Variants in PTPRN2 observed in about 807,000 individuals in gnomAD.
PTPRN2 encodes the protein receptor-type tyrosine-protein phosphatase N2.
Under a neutral mutation model 118.8 loss-of-function variants are expected in PTPRN2, and 74 were observed. The observed-to-expected ratio is 0.62, with a 90% confidence interval of 0.52 to 0.76. The LOEUF is 0.76. Ranked by LOEUF, PTPRN2 falls within the 30% of genes least tolerant of loss-of-function variation. The pLI, the probability that PTPRN2 is intolerant of heterozygous loss-of-function variation, is 0.00. For missense variants in PTPRN2, 1,481 were observed against 1,394.4 expected (o/e 1.06, Z -0.99); for synonymous variants, 641 against 608.0 (o/e 1.05, Z -0.80).
At chr7:158,319,677 ACACAGCC>A in intron 2 of PTPRN2, among the ~76,000 whole-genome samples, 1 of 6,654 alleles carries the variant, frequency 1.5e-4, no homozygotes, top group African/African-American at 2.6e-3. Flanking sequence ...TCCCTCACAC[ACACAGCC>A]TCTCTCACAC....
chr7:158,376,727 A>G (rs1810556110), intron 2 of PTPRN2, among the ~76,000 whole-genome samples: 1 of 122,488 alleles, frequency 8.2e-6, no homozygotes, highest in Non-Finnish European at 1.7e-5. Flanking sequence ...ACTCTCCCAC[A>G]GCCCTGTCAC....
At chr7:158,333,529 A>ATGC (rs1804929091) in intron 2 of PTPRN2, among the ~76,000 whole-genome samples, 1 of 146,920 alleles carries the variant, frequency 6.8e-6, no homozygotes, top group African/African-American at 2.7e-5. Flanking sequence ...ATAAGACCTG[A>ATGC]CACTCGCAGA....
chr7:157,691,280 G>A (rs2150834601), intron 12 of PTPRN2, among the ~76,000 whole-genome samples: 1 of 139,636 alleles, frequency 7.2e-6, no homozygotes, highest in East Asian at 2.5e-4. Flanking sequence ...AGGGGAGAGA[G>A]ACCTCGGCCA....
At chr7:158,150,451 C>T (rs1048391348) in intron 6 of PTPRN2, among the ~76,000 whole-genome samples, 9 of 152,314 alleles carry the variant, frequency 5.9e-5, no homozygotes, top group Admixed American at 3.9e-4. Context: ...CCTGACCTGG[C>T]ACTGACGCAG....
chr7:157,988,044 CT>C (rs1402677122), intron 11 of PTPRN2, among the ~76,000 whole-genome samples: 1 of 152,058 alleles, frequency 6.6e-6, no homozygotes, highest in African/African-American at 2.4e-5. Flanking sequence ...GTCCTCACCA[CT>C]CCCCCTTTTG....
At position 157,763,353 on chromosome 7, in the gene PTPRN2, C is replaced by T. The variant is rs912629872; in HGVS notation, c.1789-80416G>A. ...GCCCTGGTGATGACAGCACAGACTC[C>T]AGCTCTCCAGAGGCCCAAGACAGCC... On this transcript the variant is annotated intron_variant, in intron 12 of 22. Coordinates refer to ENST00000389418, the MANE Select transcript of PTPRN2 (RefSeq NM_002847.5). This position sits in a 1 kb window ranked among gnomAD's most constrained non-coding sequence, Gnocchi z 4.9. Among the ~76,000 whole-genome samples the T allele has an allele frequency of 1.3e-5, 2 of 152,214 alleles. No individual in the cohort carries two copies. Among genetic ancestry groups the T allele is most frequent in the African/African-American group, 4.8e-5 (2 of 41,462 alleles).
In PTPRN2 at chr7:157,574,804, G is replaced by A. The variant is rs574149310; in HGVS notation, c.2783+1809C>T. Among the ~76,000 whole-genome samples, 54 of 152,348 alleles carry A rather than the reference G, an allele frequency of 3.5e-4. 1 individual carries two copies. The South Asian group carries it at 4.8e-3, about 13-fold the overall frequency. ...TATTTTATACAGAAAACCAGCCACC[G>A]GCAATGCTTGTCTAAGTGTGAAGCT... is the stretch of plus-strand genomic sequence containing the variant. On this transcript the variant is annotated intron_variant, in intron 19 of 22. Transcript: ENST00000389418.
intron 11 of PTPRN2, among the ~76,000 whole-genome samples, chr7:157,982,826 T>A (rs13307874): frequency 1.2e-4 from 3 of 25,116 alleles, no homozygotes; most frequent in Non-Finnish European, 1.6e-4. Flanking sequence ...GGGTCCCCCC[T>A]AAACCCCGAG....
intron 14 of PTPRN2, among the ~76,000 whole-genome samples, chr7:157,648,679 C>T (rs146600118): frequency 7.5e-6 from 1 of 134,038 alleles, no homozygotes; most frequent in African/African-American, 2.8e-5. Flanking sequence ...GACCCTTTCA[C>T]TGTGCACTGA....
intron 22 of PTPRN2, among the ~76,000 whole-genome samples, chr7:157,544,543 G>A (rs1798183824): frequency 6.6e-6 from 1 of 152,160 alleles, no homozygotes; most frequent in Admixed American, 6.5e-5. Flanking sequence ...CCCGTCCAGT[G>A]AGGAGGGGGC....
At chr7:158,016,365 G>A (rs1806456898) in intron 11 of PTPRN2, among the ~76,000 whole-genome samples, 1 of 152,204 alleles carries the variant, frequency 6.6e-6, no homozygotes, top group Admixed American at 6.5e-5. Flanking sequence ...GCTGAAGGGC[G>A]AGGGGGAGTG....
chr7:158,135,932 C>T (rs1818765177), intron 8 of PTPRN2, among the ~76,000 whole-genome samples: 1 of 152,220 alleles, frequency 6.6e-6, no homozygotes, highest in Non-Finnish European at 1.5e-5. Context: ...GTTCTTCATC[C>T]TTCGGCCTTG....
intron 11 of PTPRN2, among the ~76,000 whole-genome samples, chr7:157,936,420 G>A (rs933929791): frequency 1.2e-4 from 18 of 152,118 alleles, no homozygotes; most frequent in Admixed American, 5.2e-4. Context: ...CAGGCCCCGC[G>A]AGCATCCTCC....
chr7:157,852,039 C>T (rs1584868200), intron 12 of PTPRN2, among the ~76,000 whole-genome samples: 2 of 151,538 alleles, frequency 1.3e-5, no homozygotes, highest in African/African-American at 4.9e-5. Context: ...GTGTTGAAAA[C>T]GACACCTTCA....
At chr7:158,329,819 G>C (rs929712073) in intron 2 of PTPRN2, among the ~76,000 whole-genome samples, 1 of 152,138 alleles carries the variant, frequency 6.6e-6, no homozygotes, top group East Asian at 1.9e-4. Flanking sequence ...CACCGCTCGA[G>C]GCTGTGTCCT....
intron 2 of PTPRN2, among the ~76,000 whole-genome samples, chr7:158,375,060 G>A (rs1156556307): frequency 2.6e-5 from 4 of 152,324 alleles, no homozygotes; most frequent in Admixed American, 6.5e-5. Flanking sequence ...CCACATCCCC[G>A]AGGCTCAGCA....
intron 1 of PTPRN2, among the ~76,000 whole-genome samples, chr7:158,528,708 G>T (rs1423349043): frequency 6.6e-6 from 1 of 151,644 alleles, no homozygotes; most frequent in Non-Finnish European, 1.5e-5. Context: ...GCAGGAGAGT[G>T]GCATGAACAT....
At position 157,675,137 on chromosome 7, in the gene PTPRN2, C is replaced by T. The variant is rs28489753; in HGVS notation, c.2001+7588G>A. 3.9e-3 allele frequency among the ~76,000 whole-genome samples: 597 copies of T among 151,636 alleles called. 2 individuals carry two copies. Among genetic ancestry groups the T allele is most frequent in the Middle Eastern group, 0.014 (4 of 294 alleles). On this transcript the variant is annotated intron_variant, in intron 13 of 22. Transcript: ENST00000389418. The stretch of plus-strand genomic sequence containing the variant: ...GTTTAATCCACTTTTTTACACTTCC[C>T]TTTACTCCCTCAAGTGTCTCCTCCC...
chr7:157,947,071 G>A (rs569585624), intron 11 of PTPRN2, among the ~76,000 whole-genome samples: 88 of 152,306 alleles, frequency 5.8e-4, no homozygotes, highest in Non-Finnish European at 1.1e-3. Flanking sequence ...CTTAAGGCTG[G>A]AGCCATCAGC....
Sources: allele counts gnomAD v4.1 joint callset (sites outside exome capture counted in the v4.1 genomes callset), GRCh38; gene constraint gnomAD v4.1.1; non-coding constraint Gnocchi (gnomAD v3.1); transcripts MANE v1.5; gene names NCBI Gene and HGNC (gene_info 2026-07-23, HGNC 2026-07-21).